The following FNBP1L variants were observed in gnomAD, a reference collection of about 807,000 sequenced individuals.
The protein encoded by FNBP1L is formin-binding protein 1-like.
FNBP1L carries 36 observed loss-of-function variants against 91.2 expected under a neutral mutation model. The ratio of observed to expected loss-of-function variants is 0.39; its 90% confidence interval spans 0.30 to 0.52. FNBP1L has a LOEUF of 0.52. Ranked by LOEUF, FNBP1L falls within the 20% of genes least tolerant of loss-of-function variation. The probability of loss-of-function intolerance (pLI) is 0.66; values close to 1 mark genes in which losing one functional copy is unlikely to be tolerated. For synonymous variants in FNBP1L, 242 were observed against 237.0 expected, an observed-to-expected ratio of 1.02 and a Z score of -0.19; for missense variants, 571 against 732.1, an observed-to-expected ratio of 0.78 and a Z score of 2.54.
chr1:93,483,455 A>G (rs1188208576), intron 1 of FNBP1L, among the ~76,000 whole-genome samples: 1 of 152,170 alleles, frequency 6.6e-6, no homozygotes, highest in Admixed American at 6.5e-5. Context: ...TTATTCATAT[A>G]TATGTTCAGA....
intron 9 of FNBP1L, among the ~76,000 whole-genome samples, chr1:93,535,833 G>T (rs936665159): frequency 6.6e-6 from 1 of 151,540 alleles, no homozygotes; most frequent in South Asian, 2.1e-4. Context: ...AAAAAAAAAA[G>T]GTGAAATAAG....
intron 11 of FNBP1L, among the ~76,000 whole-genome samples, chr1:93,542,010 A>C (rs1213665437): frequency 6.6e-6 from 1 of 152,142 alleles, no homozygotes; most frequent in Non-Finnish European, 1.5e-5. Context: ...AACAAAAAAA[A>C]ACTCCACAGT....
chr1:93,547,262 C>A, intron 13 of FNBP1L, 85 bp from the exon 14 acceptor site: 1 of 1,167,924 alleles, frequency 8.6e-7, no homozygotes, highest in Non-Finnish European at 1.2e-6. Context: ...ATTATAAAAA[C>A]TTAAACACAT....
chr1:93,502,742 T>C (rs911830331), intron 2 of FNBP1L, among the ~76,000 whole-genome samples: 4 of 152,190 alleles, frequency 2.6e-5, no homozygotes, highest in Admixed American at 6.5e-5. Flanking sequence ...CTTAAGGAAT[T>C]TGGCACATTT....
chr1:93,497,981 CTG>C (rs1026904615), intron 1 of FNBP1L, among the ~76,000 whole-genome samples: 29 of 146,664 alleles, frequency 2.0e-4, no homozygotes, highest in African/African-American at 5.9e-4. Flanking sequence ...AAAAAAAAAA[CTG>C]TTTAAAAATA....
rs897115244 is a variant in FNBP1L at position 93,553,847 on chromosome 1, T to C, written c.*1431T>C. On this transcript the variant is annotated 3_prime_UTR_variant, in exon 17 of 17. Coordinates refer to ENST00000271234, the MANE Select transcript of FNBP1L (RefSeq NM_001164473.3). ...GGGAGATGGGGCAGGTGGGGGGTTA[T>C]TTGTACCACTGAATCTTCATTAATT... is the stretch of plus-strand genomic sequence containing the variant. 1 of 152,652 alleles carries C rather than the reference T, an allele frequency of 6.6e-6. No homozygotes were observed. The highest frequency in any genetic ancestry group is 2.4e-5 in the African/African-American group (1 of 41,446). The allele number at this position is 152,652 out of a possible 1,614,324, so 9.5% of individuals were successfully genotyped here.
At chr1:93,526,370 C>G (rs922907845) in intron 5 of FNBP1L, among the ~76,000 whole-genome samples, 2 of 152,138 alleles carry the variant, frequency 1.3e-5, no homozygotes, top group South Asian at 2.1e-4. Context: ...ACCAGGTGCT[C>G]TTTTCCTCAG....
chr1:93,539,861 A>G (rs547220264), intron 10 of FNBP1L, among the ~76,000 whole-genome samples: 2 of 152,318 alleles, frequency 1.3e-5, no homozygotes, highest in South Asian at 4.1e-4. Flanking sequence ...CATCAGAGAT[A>G]AGGGGTAGAT....
chr1:93,550,327 AG>A, intron 15 of FNBP1L, among the ~76,000 whole-genome samples: 2 of 152,298 alleles, frequency 1.3e-5, no homozygotes, highest in South Asian at 4.1e-4. Flanking sequence ...ACAAAACAAA[AG>A]AAAACAAACT....
intron 1 of FNBP1L, among the ~76,000 whole-genome samples, chr1:93,497,399 A>C (rs1381180950): frequency 2.0e-5 from 3 of 152,238 alleles, no homozygotes; most frequent in Admixed American, 6.5e-5. Flanking sequence ...TGGGTTGAAA[A>C]ATGAATTAGA....
At chr1:93,500,375 G>A (rs557260899) in intron 2 of FNBP1L, among the ~76,000 whole-genome samples, 1 of 152,104 alleles carries the variant, frequency 6.6e-6, no homozygotes, top group Non-Finnish European at 1.5e-5. Context: ...CTCCGTGTTC[G>A]TTTAGCTCTA....
chr1:93,512,655 C>A (rs972907751), intron 2 of FNBP1L, among the ~76,000 whole-genome samples: 3 of 149,144 alleles, frequency 2.0e-5, no homozygotes, highest in Admixed American at 2.0e-4. Flanking sequence ...AACTGAACAA[C>A]CTGCTCCTGA....
chr1:93,456,406 T>C (rs1668661382), intron 1 of FNBP1L, among the ~76,000 whole-genome samples: 1 of 152,138 alleles, frequency 6.6e-6, no homozygotes. Context: ...TGGTACATCA[T>C]AATTTTGTTG....
chr1:93,548,259 G>A (rs1672304366), intron 14 of FNBP1L, among the ~76,000 whole-genome samples: 1 of 152,024 alleles, frequency 6.6e-6, no homozygotes, highest in Non-Finnish European at 1.5e-5. Flanking sequence ...AATTTCTTTG[G>A]CATGTGTTAT....
At chr1:93,545,838 C>G (rs761431409) in intron 12 of FNBP1L, among the ~76,000 whole-genome samples, 4 of 102,518 alleles carry the variant, frequency 3.9e-5, no homozygotes, top group Non-Finnish European at 5.8e-5. Context: ...GAAGAGAAAA[C>G]ATGGAGGAAG....
intron 9 of FNBP1L, 33 bp from the exon 10 acceptor site, chr1:93,536,299 G>A (rs960577711): frequency 1.0e-5 from 14 of 1,400,656 alleles, no homozygotes; most frequent in Non-Finnish European, 1.2e-5. Flanking sequence ...TGCACATTTG[G>A]CTTATTGATT....
intron 1 of FNBP1L, among the ~76,000 whole-genome samples, chr1:93,484,395 A>G (rs1345741996): frequency 3.3e-5 from 5 of 152,246 alleles, no homozygotes; most frequent in Non-Finnish European, 7.3e-5. Flanking sequence ...AGACTAGAGT[A>G]AAATGGAAAG....
chr1:93,500,881 CTGTT>C (rs1388314765), intron 2 of FNBP1L, among the ~76,000 whole-genome samples: 1 of 152,126 alleles, frequency 6.6e-6, no homozygotes, highest in Non-Finnish European at 1.5e-5. Context: ...CGTTTCCCTC[CTGTT>C]TGTTTAAACA....
intron 10 of FNBP1L, among the ~76,000 whole-genome samples, chr1:93,536,822 G>A (rs1417201199): frequency 2.0e-5 from 3 of 151,816 alleles, no homozygotes; most frequent in Non-Finnish European, 4.4e-5. Flanking sequence ...AGTTACTCTT[G>A]TAATAATTTG....
Sources: allele counts gnomAD v4.1 joint callset (sites outside exome capture counted in the v4.1 genomes callset), GRCh38; gene constraint gnomAD v4.1.1; transcripts MANE v1.5; gene names NCBI Gene and HGNC (gene_info 2026-07-23, HGNC 2026-07-21).